The following ARHGAP24 variants were observed in gnomAD, a reference collection of about 807,000 sequenced individuals.
ARHGAP24 encodes the protein Rho GTPase activating protein 24.
A neutral mutation model predicts 76.4 loss-of-function variants in ARHGAP24; 50 were observed. The ratio of observed to expected loss-of-function variants is 0.65; its 90% CI spans 0.52 to 0.83. ARHGAP24 has a LOEUF of 0.83. Among genes scored for constraint, ARHGAP24 ranks in the 40% least tolerant of loss-of-function variants. The pLI is 0.00. For missense variants in ARHGAP24, 930 were observed against 914.2 expected, an observed-to-expected ratio of 1.02 and a Z score of -0.22; for synonymous variants, 345 against 323.3, an observed-to-expected ratio of 1.07 and a Z score of -0.72.
chr4:85,981,169 A>C (rs1038282645), intron 8 of ARHGAP24, among the ~76,000 whole-genome samples: 1 of 152,158 alleles, frequency 6.6e-6, no homozygotes, highest in Non-Finnish European at 1.5e-5. Context: ...GCACTAACTG[A>C]TTTTTCTTGG....
intron 1 of ARHGAP24, among the ~76,000 whole-genome samples, chr4:85,534,553 G>A (rs987662997): frequency 3.3e-5 from 5 of 152,180 alleles, no homozygotes; most frequent in African/African-American, 4.8e-5. Flanking sequence ...AAGGCAGTTG[G>A]AGAAGATGAA....
At chr4:85,567,780 T>A (rs1343692087) in intron 1 of ARHGAP24, among the ~76,000 whole-genome samples, 1 of 152,204 alleles carries the variant, frequency 6.6e-6, no homozygotes, top group Non-Finnish European at 1.5e-5. Flanking sequence ...AGAATTTTAA[T>A]CATTTTATTT....
At chr4:85,620,756 TG>T (rs1720690876) in intron 2 of ARHGAP24, among the ~76,000 whole-genome samples, 1 of 151,870 alleles carries the variant, frequency 6.6e-6, no homozygotes, top group Admixed American at 6.6e-5. Context: ...TTATTTGAGA[TG>T]TTTCTTCTTT....
chr4:85,979,740 T>C (rs1030002955), intron 8 of ARHGAP24, among the ~76,000 whole-genome samples: 1 of 152,234 alleles, frequency 6.6e-6, no homozygotes, highest in African/African-American at 2.4e-5. Flanking sequence ...AAATGCTGCT[T>C]GAATCTTTCC....
At chr4:85,658,050 C>T (rs576541079) in intron 2 of ARHGAP24, among the ~76,000 whole-genome samples, 4 of 152,290 alleles carry the variant, frequency 2.6e-5, no homozygotes, top group South Asian at 4.1e-4. Flanking sequence ...CCATTGTGCC[C>T]GGCCTCCAGT....
chr4:85,871,812 T>G, intron 3 of ARHGAP24, among the ~76,000 whole-genome samples: 1 of 152,286 alleles, frequency 6.6e-6, no homozygotes, highest in South Asian at 2.1e-4. Flanking sequence ...TGATGGCACA[T>G]TGATCCATCC....
chr4:85,957,995 A>T (rs1361054121), intron 5 of ARHGAP24, among the ~76,000 whole-genome samples: 2 of 152,144 alleles, frequency 1.3e-5, no homozygotes, highest in Non-Finnish European at 2.9e-5. Context: ...CTGAAACCCA[A>T]TGGGGTTATA....
Position 85,766,838 on chromosome 4 carries a change from C to A in ARHGAP24, c.268+44866C>A, listed in dbSNP as rs540093106. On this transcript the variant is annotated intron_variant, in intron 3 of 9. Coordinates refer to ENST00000395184, the MANE Select transcript of ARHGAP24 (RefSeq NM_001025616.3). Reference sequence around the variant, plus strand: ...CTCCTCAGAGTCAAACAAAAACTCTCACAATTTTAATATTTAGCAAATACA... The same window carrying A: ...CTCCTCAGAGTCAAACAAAAACTCTAACAATTTTAATATTTAGCAAATACA... Among the ~76,000 whole-genome samples the A allele has an allele frequency of 3.0e-4, 46 of 152,264 alleles. No individual in the cohort carries two copies. The East Asian group carries it at 8.1e-3, about 27-fold the overall frequency.
At chr4:85,493,248 T>C (rs972079223) in intron 1 of ARHGAP24, among the ~76,000 whole-genome samples, 1 of 152,234 alleles carries the variant, frequency 6.6e-6, no homozygotes, top group Admixed American at 6.5e-5. Context: ...ATAAGCATTA[T>C]GTGGAGAGAT....
At chr4:85,851,548 G>A (rs188384257) in intron 3 of ARHGAP24, among the ~76,000 whole-genome samples, 17 of 152,260 alleles carry the variant, frequency 1.1e-4, no homozygotes, top group Middle Eastern at 3.4e-3. Flanking sequence ...TAGCATCAAC[G>A]GTCTTTACAA....
At chr4:85,867,120 A>T (rs1229863581) in intron 3 of ARHGAP24, among the ~76,000 whole-genome samples, 2 of 152,212 alleles carry the variant, frequency 1.3e-5, no homozygotes, top group East Asian at 3.9e-4. Flanking sequence ...CTTCACCTTT[A>T]TTTTTAAAAT....
intron 4 of ARHGAP24, among the ~76,000 whole-genome samples, chr4:85,929,585 G>A (rs889957625): frequency 6.6e-6 from 1 of 152,188 alleles, no homozygotes; most frequent in South Asian, 2.1e-4. Context: ...GAGCATGGAA[G>A]AATGTTGAAA....
intron 1 of ARHGAP24, among the ~76,000 whole-genome samples, chr4:85,482,819 C>A (rs936463365): frequency 2.0e-5 from 3 of 152,204 alleles, no homozygotes; most frequent in African/African-American, 7.2e-5. Flanking sequence ...GATGGAAAAA[C>A]CAAAACCTAG....
chr4:85,703,000 A>G (rs751092060), intron 2 of ARHGAP24, among the ~76,000 whole-genome samples: 1 of 152,028 alleles, frequency 6.6e-6, no homozygotes, highest in Non-Finnish European at 1.5e-5. Flanking sequence ...GAAGCATGTG[A>G]AAGGAGAATT....
intron 2 of ARHGAP24, among the ~76,000 whole-genome samples, chr4:85,643,880 A>G (rs966171504): frequency 1.3e-5 from 2 of 152,186 alleles, no homozygotes; most frequent in Non-Finnish European, 2.9e-5. Context: ...GAGTCTCCCA[A>G]GTAAGTCCAG....
chr4:85,949,382 G>A (rs529359554), intron 5 of ARHGAP24, among the ~76,000 whole-genome samples: 2 of 152,292 alleles, frequency 1.3e-5, no homozygotes, highest in East Asian at 1.9e-4. Flanking sequence ...CTGCAAGTGG[G>A]CAATGCTCGG....
At chr4:85,615,581 T>A (rs1208517807) in intron 2 of ARHGAP24, among the ~76,000 whole-genome samples, 1 of 152,194 alleles carries the variant, frequency 6.6e-6, no homozygotes, top group African/African-American at 2.4e-5. Flanking sequence ...GTATGGTAGC[T>A]CATATATGTC....
chr4:85,860,350 G>T (rs1279800391), intron 3 of ARHGAP24, among the ~76,000 whole-genome samples: 1 of 152,092 alleles, frequency 6.6e-6, no homozygotes, highest in Non-Finnish European at 1.5e-5. Flanking sequence ...AGAAGGAACT[G>T]CAATTTACAG....
chr4:85,964,411 G>A (rs760420869), intron 5 of ARHGAP24, among the ~76,000 whole-genome samples: 4 of 152,106 alleles, frequency 2.6e-5, no homozygotes, highest in Admixed American at 6.6e-5. Flanking sequence ...TCAGTGGAAA[G>A]GTCTGATGCA....
Sources: gnomAD v4.1 joint callset for allele counts (sites outside exome capture counted in the v4.1 genomes callset) on GRCh38, gnomAD v4.1.1 for gene constraint, MANE v1.5 for transcripts, NCBI Gene and HGNC (gene_info 2026-07-23, HGNC 2026-07-21) for gene names.